WDR17: variants seen among roughly 807,000 people sequenced by gnomAD.
The protein encoded by WDR17 is WD repeat domain 17, also known as WD repeat-containing protein 17.
A neutral mutation model predicts 161.7 loss-of-function variants in WDR17; 143 were observed. That is an observed-to-expected ratio of 0.88 (90% CI 0.77 to 1.02). WDR17 has a LOEUF of 1.02. Among genes scored for constraint, WDR17 ranks in the 50% least tolerant of loss-of-function variants. The pLI is 0.00. For synonymous variants in WDR17, 517 were observed against 515.6 expected (o/e 1.00, Z -0.04); for missense variants, 1,469 against 1,520.9 (o/e 0.97, Z 0.57).
chr4:176,141,138 A>G (rs28552481), intron 10 of WDR17, among the ~76,000 whole-genome samples: 39,868 of 152,004 alleles, frequency 0.26, 5,460 homozygotes, highest in African/African-American at 0.33. Flanking sequence ...ATAATAGACT[A>G]GGATAGTAGA....
At chr4:176,069,592 G>C (rs1263813201) in intron 1 of WDR17, among the ~76,000 whole-genome samples, 3 of 152,052 alleles carry the variant, frequency 2.0e-5, no homozygotes, top group African/African-American at 7.2e-5. Flanking sequence ...CAAGATTGAG[G>C]TCCTTAAACA....
chr4:176,148,895 C>A (rs1477800298), intron 13 of WDR17, among the ~76,000 whole-genome samples: 3 of 152,100 alleles, frequency 2.0e-5, no homozygotes, highest in Non-Finnish European at 4.4e-5. Context: ...TTATTCTCAT[C>A]CTTAAACTTT....
At chr4:176,102,751 T>G (rs898597950) in intron 1 of WDR17, among the ~76,000 whole-genome samples, 5 of 152,184 alleles carry the variant, frequency 3.3e-5, no homozygotes, top group Admixed American at 1.3e-4. Context: ...GTCTGTCTGA[T>G]GTAATTATTT....
chr4:176,181,635 A>G lies in WDR17; in HGVS notation c.*2056A>G, dbSNP rs1752171958. 1 of 156,660 alleles carries G rather than the reference A, an allele frequency of 6.4e-6. No individual in the cohort carries two copies. The highest frequency in any genetic ancestry group is 6.5e-5 in the Admixed American group (1 of 15,314). 9.7% of individuals were successfully genotyped at this position (156,660 alleles called of 1,614,324 possible). On this transcript the variant is annotated 3_prime_UTR_variant, in exon 29 of 29. Coordinates refer to ENST00000508596, the MANE Select transcript of WDR17 (RefSeq NM_181265.4). The stretch of plus-strand genomic sequence containing the variant: ...TGAGGAGGATTATTAACTGGCACAT[A>G]TGTACTAAAAACCCCTCACTTAAAA...
At chr4:176,097,213 C>T (rs1268529934) in intron 1 of WDR17, among the ~76,000 whole-genome samples, 1 of 151,654 alleles carries the variant, frequency 6.6e-6, no homozygotes, top group Non-Finnish European at 1.5e-5. Context: ...GATTTCTCTT[C>T]GATTATTTTC....
chr4:176,170,295 A>G (rs1228455191), intron 23 of WDR17, among the ~76,000 whole-genome samples: 1 of 151,028 alleles, frequency 6.6e-6, no homozygotes, highest in Non-Finnish European at 1.5e-5. Context: ...TTGTTGTCAA[A>G]TCAATTATTT....
intron 2 of WDR17, among the ~76,000 whole-genome samples, chr4:176,113,035 G>A (rs1434377801): frequency 1.3e-5 from 2 of 152,024 alleles, no homozygotes; most frequent in African/African-American, 2.4e-5. Flanking sequence ...TCTTAAGACT[G>A]TAGAAATATC....
intron 1 of WDR17, among the ~76,000 whole-genome samples, chr4:176,068,025 A>G (rs993117086): frequency 6.6e-6 from 1 of 152,222 alleles, no homozygotes; most frequent in African/African-American, 2.4e-5. Context: ...TTTTCATCCT[A>G]TATTCCAGAA....
chr4:176,088,426 A>G (rs1040671687), intron 1 of WDR17, among the ~76,000 whole-genome samples: 1 of 152,206 alleles, frequency 6.6e-6, no homozygotes, highest in South Asian at 2.1e-4. Flanking sequence ...CTCTTTAAAA[A>G]AAAATTTCAA....
intron 22 of WDR17, 89 bp from the exon 23 acceptor site, chr4:176,168,578 GTATAT>G: frequency 7.0e-7 from 1 of 1,425,142 alleles, no homozygotes; most frequent in South Asian, 1.3e-5. Context: ...AGCAAGAGTG[GTATAT>G]TATATGAATT....
At chr4:176,115,759 G>A in intron 2 of WDR17, 37 bp from the exon 3 acceptor site, 1 of 1,462,246 alleles carries the variant, frequency 6.8e-7, no homozygotes, top group Non-Finnish European at 9.2e-7. Flanking sequence ...TCTTAAAAAG[G>A]AGCACTAAAA....
chr4:176,144,207 C>G lies in WDR17; in HGVS notation c.1530-1788C>G, dbSNP rs564311495. 5.3e-5 allele frequency among the ~76,000 whole-genome samples: 8 copies of G among 152,256 alleles called. No individual in the cohort carries two copies. In the East Asian group the frequency reaches 9.6e-4, roughly 18 times the overall value. On this transcript the variant is annotated intron_variant, in intron 11 of 28. Transcript: ENST00000508596. ...CATCCTTCAGCTTTCAGCTCAAAAA[C>G]CACAGAAAAGTATTCCTTGACCCCC...
At chr4:176,161,995 C>A in intron 20 of WDR17, 80 bp from the exon 21 acceptor site, 3 of 1,206,738 alleles carry the variant, frequency 2.5e-6, no homozygotes, top group African/African-American at 1.5e-5. Flanking sequence ...GTCTTTTTAT[C>A]ATACCTTTTA....
chr4:176,181,749 CATT>C lies in WDR17; in HGVS notation c.*2172_*2174del, dbSNP rs1338996306. On this transcript the variant is annotated 3_prime_UTR_variant, in exon 29 of 29. Transcript: ENST00000508596. ...TGTGCTTACATACTTAAAAGGATAT[CATT>C]AAGTATATAAACAATCATTACTTCT... is the stretch of plus-strand genomic sequence containing the variant. 6.6e-6 allele frequency: 1 copy of C among 152,192 alleles called. No homozygotes were observed. Among genetic ancestry groups the C allele is most frequent in the Non-Finnish European group, 1.5e-5 (1 of 67,958 alleles). 9.4% of individuals were successfully genotyped at this position (152,192 alleles called of 1,614,324 possible).
At chr4:176,123,249 TCA>T (rs1359424330) in intron 4 of WDR17, among the ~76,000 whole-genome samples, 1 of 152,200 alleles carries the variant, frequency 6.6e-6, no homozygotes, top group African/African-American at 2.4e-5. Flanking sequence ...AAAAACAGAC[TCA>T]GTTTCTCCTA....
intron 2 of WDR17, among the ~76,000 whole-genome samples, chr4:176,112,089 A>G (rs1258929716): frequency 6.6e-6 from 1 of 152,220 alleles, no homozygotes; most frequent in Non-Finnish European, 1.5e-5. Context: ...TTATAGAGCC[A>G]AAAACCGCCT....
chr4:176,142,543 C>T (rs1745449738), intron 11 of WDR17, among the ~76,000 whole-genome samples: 1 of 152,154 alleles, frequency 6.6e-6, no homozygotes, highest in African/African-American at 2.4e-5. Flanking sequence ...TCTTGTTTGA[C>T]AGCCAAGTAT....
rs569917602 is a variant in WDR17 at position 176,179,569 on chromosome 4, A to C, written c.3842A>C (p.Asn1281Thr). The C allele has an allele frequency of 6.4e-7, 1 of 1,555,530 alleles. No individual in the cohort carries two copies. The change falls in exon 29 of 29, where the codon AAT becomes ACT. Residue 1281 changes from asparagine (N) to threonine (T), a missense_variant. Asn to Thr is a moderately conservative substitution (Grantham distance 65). Coordinates refer to ENST00000508596, the MANE Select transcript of WDR17 (RefSeq NM_181265.4). Reference sequence around the variant, plus strand: ...CCTTTAGGGACTGGAATACGACTCAATCCATTCTGATAGAAGATTTTTGTC... The same window carrying C: ...CCTTTAGGGACTGGAATACGACTCACTCCATTCTGATAGAAGATTTTTGTC... Reference protein sequence around the residue: ...FSPLGTGIRLNPF With the variant: ...FSPLGTGIRLTPF
intron 18 of WDR17, among the ~76,000 whole-genome samples, chr4:176,157,043 A>T (rs931630851): frequency 1.3e-5 from 2 of 152,062 alleles, no homozygotes; most frequent in African/African-American, 4.8e-5. Flanking sequence ...CTAAGACCCT[A>T]TTTCCATATA....
Sources: allele counts gnomAD v4.1 joint callset (sites outside exome capture counted in the v4.1 genomes callset), GRCh38; gene constraint gnomAD v4.1.1; transcripts MANE v1.5; gene names NCBI Gene and HGNC (gene_info 2026-07-23, HGNC 2026-07-21).